CDH6: variants seen among roughly 807,000 people sequenced by gnomAD.
CDH6 encodes the protein cadherin 6, also known as cadherin-6.
A neutral mutation model predicts 78.0 loss-of-function variants in CDH6; 31 were observed. The observed-to-expected ratio is 0.40, with a 90% CI of 0.30 to 0.54. The LOEUF (loss-of-function observed/expected upper bound fraction) is 0.54. Among genes scored for constraint, CDH6 ranks in the 20% least tolerant of loss-of-function variants. The probability of loss-of-function intolerance (pLI) is 0.56; values close to 1 mark genes in which losing one functional copy is unlikely to be tolerated. For missense variants in CDH6, 724 were observed against 975.9 expected (o/e 0.74, Z 3.44); for synonymous variants, 376 against 368.8 (o/e 1.02, Z -0.23).
Position 31,293,956 on chromosome 5 carries a change from C to T in CDH6, c.229-6C>T, listed in dbSNP as rs748398636. ...TACTTTCTTTAATTTTTTTTTTCTA[C>T]ACTAGTTACATTCAGACCAGGATAG... is the stretch of plus-strand genomic sequence containing the variant. On this transcript the variant is annotated splice_region_variant and splice_polypyrimidine_tract_variant and intron_variant, in intron 2 of 11. Transcript: ENST00000265071. The T allele has an allele frequency of 6.5e-7, 1 of 1,538,950 alleles. No homozygotes were observed. The highest frequency in any genetic ancestry group is 2.1e-5 in the Admixed American group (1 of 47,256).
At chr5:31,249,641 C>G (rs1741855679) in intron 1 of CDH6, 1 of 152,252 alleles carries the variant, frequency 6.6e-6, no homozygotes, top group East Asian at 1.9e-4. Context: ...GAAAAACCAC[C>G]TAGCAGCATC....
At position 31,213,919 on chromosome 5, in the gene CDH6, A is replaced by G. The variant is rs191394982; in HGVS notation, c.-129+20033A>G. 3.4e-3 allele frequency among the ~76,000 whole-genome samples: 519 copies of G among 152,228 alleles called. 4 individuals are homozygous for G. Among genetic ancestry groups the G allele is most frequent in the Middle Eastern group, 6.8e-3 (2 of 294 alleles). ...AATGATTGCTAAACATTTCAGCACC[A>G]GCTCCCAAGAAGAATTCCCTCCTCT... is the stretch of plus-strand genomic sequence containing the variant. On this transcript the variant is annotated intron_variant, in intron 1 of 11. Coordinates refer to ENST00000265071, the MANE Select transcript of CDH6 (RefSeq NM_004932.4).
At chr5:31,300,037 G>A (rs902892331) in intron 5 of CDH6, among the ~76,000 whole-genome samples, 1 of 152,160 alleles carries the variant, frequency 6.6e-6, no homozygotes, top group Non-Finnish European at 1.5e-5. Context: ...ATAAGGGGAG[G>A]ATTTATTATT....
At chr5:31,274,009 G>A (rs1177552202) in intron 2 of CDH6, among the ~76,000 whole-genome samples, 1 of 152,166 alleles carries the variant, frequency 6.6e-6, no homozygotes, top group Non-Finnish European at 1.5e-5. Context: ...ATCAGGGCAA[G>A]TGCCTTGGGC....
At chr5:31,302,794 G>GAAAGAA (rs1388716040) in intron 6 of CDH6, among the ~76,000 whole-genome samples, 383 of 36,366 alleles carry the variant, frequency 0.011, 3 homozygotes, top group Middle Eastern at 0.065. Flanking sequence ...GAGAGAGAGA[G>GAAAGAA]AGAGAGAAAG....
At position 31,322,805 on chromosome 5, in the gene CDH6, T is replaced by G. The variant is rs1268050873; in HGVS notation, c.1883-13T>G. 1 of 1,598,278 alleles carries G rather than the reference T, an allele frequency of 6.3e-7. No homozygotes were observed. The highest frequency in any genetic ancestry group is 1.7e-5 in the Admixed American group (1 of 57,712). Reference sequence around the variant, plus strand: ...ACTTTTCCTTCCCTTTCTGTTTTGTTTTCTGCTTCCAGTGACAGTGGTGCT... The same window carrying G: ...ACTTTTCCTTCCCTTTCTGTTTTGTGTTCTGCTTCCAGTGACAGTGGTGCT... On this transcript the variant is annotated splice_polypyrimidine_tract_variant and intron_variant, in intron 11 of 11. Coordinates refer to ENST00000265071, the MANE Select transcript of CDH6 (RefSeq NM_004932.4).
intron 1 of CDH6, among the ~76,000 whole-genome samples, chr5:31,257,401 G>A (rs1319644873): frequency 6.6e-6 from 1 of 152,204 alleles, no homozygotes; most frequent in African/African-American, 2.4e-5. Flanking sequence ...CTGACCTCGT[G>A]ATCCACCCGT....
chr5:31,211,321 T>G (rs556524272), intron 1 of CDH6, among the ~76,000 whole-genome samples: 5 of 152,232 alleles, frequency 3.3e-5, no homozygotes, highest in African/African-American at 1.2e-4. Context: ...TTCAACTTTA[T>G]GAGTATGTTC....
intron 1 of CDH6, among the ~76,000 whole-genome samples, chr5:31,222,510 A>C (rs1741031512): frequency 6.6e-6 from 1 of 152,188 alleles, no homozygotes; most frequent in African/African-American, 2.4e-5. Context: ...AATCGAGCTT[A>C]ATATGAAAGT....
intron 1 of CDH6, among the ~76,000 whole-genome samples, 174 bp downstream of exon 1, chr5:31,194,060 G>C (rs1045754788): frequency 1.8e-4 from 28 of 152,142 alleles, no homozygotes; most frequent in Non-Finnish European, 1.5e-4. Context: ...GCGCGGGTCC[G>C]GCTGCGCGGG....
At position 31,215,223 on chromosome 5, in the gene CDH6, G is replaced by A. The variant is rs147916725; in HGVS notation, c.-129+21337G>A. On this transcript the variant is annotated intron_variant, in intron 1 of 11. Transcript: ENST00000265071. ...ATTGGACCATAATAAACCGCTGTAG[G>A]TATGAATACTATTCAACCTAGGTTT... 6.8e-3 allele frequency among the ~76,000 whole-genome samples: 1,041 copies of A among 152,170 alleles called. 10 individuals carry two copies. Among genetic ancestry groups the A allele is most frequent in the South Asian group, 0.034 (162 of 4,798 alleles).
chr5:31,302,726 A>AAGAAG (rs1737804857), intron 6 of CDH6, among the ~76,000 whole-genome samples: 6 of 138,878 alleles, frequency 4.3e-5, no homozygotes, highest in African/African-American at 1.6e-4. Context: ...AAAAAAAAGA[A>AAGAAG]GAAAGAAGGA....
intron 1 of CDH6, among the ~76,000 whole-genome samples, chr5:31,217,335 AAGGT>A (rs1268219612): frequency 6.6e-6 from 1 of 152,210 alleles, no homozygotes; most frequent in East Asian, 1.9e-4. Context: ...AATTAAAACA[AAGGT>A]TATTCAAAAA....
chr5:31,243,644 A>G (rs538566916), intron 1 of CDH6, among the ~76,000 whole-genome samples: 3 of 152,100 alleles, frequency 2.0e-5, no homozygotes, highest in Non-Finnish European at 4.4e-5. Flanking sequence ...CCTCCCTGAG[A>G]ACAACTTCTC....
At chr5:31,209,068 A>G (rs918166312) in intron 1 of CDH6, among the ~76,000 whole-genome samples, 1 of 152,208 alleles carries the variant, frequency 6.6e-6, no homozygotes, top group Non-Finnish European at 1.5e-5. Context: ...ATAATTCCCT[A>G]TTTAATGTGA....
chr5:31,268,515 T>C (rs772870323), intron 2 of CDH6, among the ~76,000 whole-genome samples: 12 of 152,222 alleles, frequency 7.9e-5, no homozygotes, highest in Non-Finnish European at 1.8e-4. Context: ...TGTTGCAGAA[T>C]ATCTGCATAC....
chr5:31,253,237 G>A lies in CDH6; in HGVS notation c.-128-14109G>A, dbSNP rs112081634. Among the ~76,000 whole-genome samples the A allele has an allele frequency of 3.1e-3, 473 of 152,260 alleles. 4 individuals are homozygous for A. The highest frequency in any genetic ancestry group is 0.01 in the African/African-American group (425 of 41,564). ...GTTCCCATAATCCCCACATGCCGTC[G>A]GAGGGACCCAGTGGGAGGTAATTTA... On this transcript the variant is annotated intron_variant, in intron 1 of 11. Transcript: ENST00000265071.
chr5:31,199,685 G>GTGTGTATA lies in CDH6; in HGVS notation c.-129+5800_-129+5801insGTGTATAT, dbSNP rs796740950. Among the ~76,000 whole-genome samples, 593 of 79,812 alleles carry GTGTGTATA rather than the reference G, an allele frequency of 7.4e-3. 7 individuals are homozygous for GTGTGTATA. The highest frequency in any genetic ancestry group is 0.023 in the African/African-American group (480 of 21,096). 52.4% of individuals were successfully genotyped at this position (79,812 alleles called of 152,430 possible). On this transcript the variant is annotated intron_variant, in intron 1 of 11. Transcript: ENST00000265071. The stretch of plus-strand genomic sequence containing the variant: ...TGTGTGTGTATGTGTGTGTGTGTGT[G>GTGTGTATA]TATATATATATATATATATATATAT...
intron 11 of CDH6, chr5:31,318,878 G>A (rs185621436): frequency 4.4e-6 from 1 of 226,680 alleles, no homozygotes; most frequent in African/African-American, 2.2e-5. Flanking sequence ...GAATGCCCAG[G>A]GATCCCTGCT....
Sources: allele counts gnomAD v4.1 joint callset (sites outside exome capture counted in the v4.1 genomes callset), GRCh38; gene constraint gnomAD v4.1.1; transcripts MANE v1.5; gene names NCBI Gene and HGNC (gene_info 2026-07-23, HGNC 2026-07-21).